ESR2: variants seen among roughly 807,000 people sequenced by gnomAD.
The protein encoded by ESR2 is estrogen receptor 2, also known as estrogen receptor beta.
A neutral mutation model predicts 49.6 loss-of-function variants in ESR2; 36 were observed. The ratio of observed to expected loss-of-function variants is 0.73; its 90% CI spans 0.56 to 0.96. ESR2 has a LOEUF of 0.96. ESR2 is among the 40% of genes least tolerant of loss of function. The probability of loss-of-function intolerance (pLI) is 0.00; values close to 1 mark genes in which losing one functional copy is unlikely to be tolerated. For synonymous variants in ESR2, 320 were observed against 266.1 expected, an observed-to-expected ratio of 1.20 and a Z score of -1.97; for missense variants, 714 against 693.0, an observed-to-expected ratio of 1.03 and a Z score of -0.34.
At chr14:64,255,726 A>T (rs1006453944) in intron 6 of ESR2, among the ~76,000 whole-genome samples, 3 of 152,234 alleles carry the variant, frequency 2.0e-5, no homozygotes, top group Non-Finnish European at 2.9e-5. Context: ...TTAAATGCAT[A>T]AGGTGCTGCC....
Position 64,283,045 on chromosome 14 carries a change from G to A in ESR2, c.-60C>T. The stretch of plus-strand genomic sequence containing the variant: ...GAAGAGGCACAAAGGTCATTATAAT[G>A]TTCTCAAAGATTCGTGGGCAAGTAT... On this transcript the variant is annotated 5_prime_UTR_variant, in exon 2 of 9. Coordinates refer to ENST00000341099, the MANE Select transcript of ESR2 (RefSeq NM_001437.3). 3.9e-6 allele frequency: 6 copies of A among 1,525,970 alleles called. No individual in the cohort carries two copies. The highest frequency in any genetic ancestry group is 1.3e-5 in the South Asian group (1 of 76,316). 94.5% of individuals were successfully genotyped at this position (1,525,970 alleles called of 1,614,324 possible).
chr14:64,302,423 G>A (rs1232217020), intron 1 of ESR2, among the ~76,000 whole-genome samples: 3 of 151,786 alleles, frequency 2.0e-5, no homozygotes, highest in African/African-American at 4.8e-5. Context: ...TCTTGATCTC[G>A]TGATCCACCC....
At chr14:64,266,943 C>T (rs889961391) in intron 4 of ESR2, among the ~76,000 whole-genome samples, 6 of 152,316 alleles carry the variant, frequency 3.9e-5, no homozygotes, top group African/African-American at 1.2e-4. Context: ...TGTAGTGGCG[C>T]GATCTCGGCT....
upstream of ESR2, chr14:64,298,573 G>C (rs887133441): frequency 2.6e-5 from 4 of 152,112 alleles, no homozygotes; most frequent in African/African-American, 9.7e-5. Context: ...ATCTGCGTTG[G>C]ACTGGGGCCC....
intron 1 of ESR2, among the ~76,000 whole-genome samples, chr14:64,304,388 A>AG (rs2077063948): frequency 6.6e-6 from 1 of 152,194 alleles, no homozygotes; most frequent in African/African-American, 2.4e-5. Context: ...TTACTCTATA[A>AG]GGAGGGGTAA....
rs370825937 is a variant in ESR2 at position 64,303,757 on chromosome 14, A to G, written c.-90-20682T>C. ...GCTAATTTCCAATAGCAGCACAAAA[A>G]TTTCCTTTTTATTCATTTAATATTT... On this transcript the variant is annotated intron_variant, in intron 1 of 8. Transcript: ENST00000358599. 8 of 152,284 alleles carry G rather than the reference A, an allele frequency of 5.3e-5. No homozygotes were observed. The South Asian group carries it at 6.2e-4, about 12-fold the overall frequency. 9.4% of individuals were successfully genotyped at this position (152,284 alleles called of 1,614,324 possible). A position where few individuals can be genotyped will look rare whatever the true frequency, so the allele number is the denominator to read the frequency against.
Position 64,282,954 on chromosome 14 carries a change from T to C in ESR2, c.32A>G (p.Asn11Ser). Residue 11 changes from asparagine to serine, a missense_variant, in exon 2 of 9, where the codon AAT becomes AGT. By Grantham distance (46) the Asn-to-Ser change is conservative. Transcript: ENST00000341099. MDIKNSPSSL[N>S]SPSSYNCSQS... ...ACTGCAGTTGTAGGAGGAAGGAGAA[T>C]TAAGGCTAGATGGTGAGTTTTTTAT... The C allele has an allele frequency of 6.2e-7, 1 of 1,613,696 alleles. No individual in the cohort carries two copies.
Position 64,260,500 on chromosome 14 carries a change from A to T in ESR2, c.901T>A (p.Leu301Met). ...ATGTGTACCAACTCCTTGTCGGCCA[A>T]CTTGGTCAGGGACATCATCATGGAG... is the stretch of plus-strand genomic sequence containing the variant. The part of the protein sequence containing the change: ...EASMMMSLTK[L>M]ADKELVHMIS... The change falls in exon 5 of 9, where the codon TTG (leucine) becomes ATG (methionine). Residue 301 changes from leucine (L) to methionine (M), a missense_variant. Physicochemically the swap from Leu to Met is conservative, Grantham distance 15. Transcript: ENST00000341099. 6.5e-7 allele frequency: 1 copy of T among 1,536,208 alleles called. No individual in the cohort carries two copies. The highest frequency in any genetic ancestry group is 8.8e-7 in the Non-Finnish European group (1 of 1,142,286).
chr14:64,279,909 C>A, intron 3 of ESR2, 72 bp downstream of exon 3: 2 of 1,295,670 alleles, frequency 1.5e-6, no homozygotes. Flanking sequence ...ACATTTCTGC[C>A]AAGTCATCTC....
chr14:64,303,002 G>A (rs1486282398), intron 1 of ESR2, among the ~76,000 whole-genome samples: 1 of 152,092 alleles, frequency 6.6e-6, no homozygotes, highest in South Asian at 2.1e-4. Context: ...GTTTCACTAT[G>A]TTGGCCAGGC....
At position 64,233,293 on chromosome 14, in the gene ESR2, C is replaced by G; in HGVS notation, c.1437G>C (p.Met479Ile). 6.2e-7 allele frequency: 1 copy of G among 1,614,036 alleles called. No individual in the cohort carries two copies. Among genetic ancestry groups the G allele is most frequent in the Non-Finnish European group, 8.5e-7 (1 of 1,179,900 alleles). ...ACACTGGGACCACATTTTTGCACTT[C>G]ATGTTGAGCAGATGTTCCATGCCCT... Reference protein sequence around the residue: ...SNKGMEHLLNMKCKNVVPVYD... With the variant: ...SNKGMEHLLNIKCKNVVPVYD... Residue 479 changes from methionine to isoleucine, a missense_variant, in exon 9 of 9, where the codon ATG (methionine) becomes ATC (isoleucine). By Grantham distance (10) the Met-to-Ile change is conservative. Transcript: ENST00000341099.
chr14:64,335,564 G>C (rs2077519255), intron 1 of ESR2, among the ~76,000 whole-genome samples: 1 of 152,084 alleles, frequency 6.6e-6, no homozygotes, highest in African/African-American at 2.4e-5. Context: ...TCCCATCGTG[G>C]GGGCCCCATC....
chr14:64,243,059 C>T (rs1174821677), intron 7 of ESR2, among the ~76,000 whole-genome samples: 1 of 152,182 alleles, frequency 6.6e-6, no homozygotes, highest in African/African-American at 2.4e-5. Flanking sequence ...AATCATCTCC[C>T]ACCAGGTCCC....
At chr14:64,254,656 G>T (rs1040421988) in intron 6 of ESR2, among the ~76,000 whole-genome samples, 3 of 151,922 alleles carry the variant, frequency 2.0e-5, no homozygotes, top group African/African-American at 7.3e-5. Context: ...TACTCAGGAG[G>T]CTGAGGCACA....
At chr14:64,257,912 T>C (rs1026188405) in intron 5 of ESR2, among the ~76,000 whole-genome samples, 6 of 152,174 alleles carry the variant, frequency 3.9e-5, no homozygotes, top group Admixed American at 3.9e-4. Context: ...AGAAGCACTG[T>C]TTCTGGGTGA....
At position 64,260,724 on chromosome 14, in the gene ESR2, T is replaced by A; in HGVS notation, c.677A>T (p.Tyr226Phe). The A allele has an allele frequency of 6.6e-7, 1 of 1,514,158 alleles. No homozygotes were observed. The highest frequency in any genetic ancestry group is 1.3e-5 in the South Asian group (1 of 76,352). 93.8% of individuals were successfully genotyped at this position (1,514,158 alleles called of 1,614,324 possible). ...ACTTCTCTGTCTCCGCACAAGGCGGTACCCACATCTCTCTCTCCGGGAGCC... is the reference window on the plus strand; with the variant it reads ...ACTTCTCTGTCTCCGCACAAGGCGGAACCCACATCTCTCTCTCCGGGAGCC... ...KCGSRRERCGYRLVRRQRSAD... is the reference protein window; with the variant it reads ...KCGSRRERCGFRLVRRQRSAD... Residue 226 changes from tyrosine to phenylalanine, a missense_variant, in exon 5 of 9, where the codon TAC becomes TTC. Coordinates refer to ENST00000341099, the MANE Select transcript of ESR2 (RefSeq NM_001437.3).
intron 2 of ESR2, 136 bp from the exon 3 acceptor site, chr14:64,280,289 A>C (rs2076639050): frequency 1.5e-6 from 1 of 668,342 alleles, no homozygotes; most frequent in Non-Finnish European, 2.6e-6. Context: ...ATATTCCCGG[A>C]AATCTGATAC....
chr14:64,257,444 G>A (rs1471334723), intron 5 of ESR2, 80 bp from the exon 6 acceptor site: 37 of 1,534,830 alleles, frequency 2.4e-5, no homozygotes, highest in Middle Eastern at 2.4e-4. Flanking sequence ...AATGGCAAGT[G>A]TTAAAACACT....
At chr14:64,247,694 T>C (rs1460302010) in intron 7 of ESR2, among the ~76,000 whole-genome samples, 1 of 152,210 alleles carries the variant, frequency 6.6e-6, no homozygotes, top group Non-Finnish European at 1.5e-5. Flanking sequence ...AGTAAATGGC[T>C]AAGCAAAGCC....
Sources: gnomAD v4.1 joint callset for allele counts (sites outside exome capture counted in the v4.1 genomes callset) on GRCh38, gnomAD v4.1.1 for gene constraint, MANE v1.5 for transcripts, NCBI Gene and HGNC (gene_info 2026-07-23, HGNC 2026-07-21) for gene names.